The following IDNK variants were observed in gnomAD, a reference collection of about 807,000 sequenced individuals.
The protein encoded by IDNK is gluconokinase.
A neutral mutation model predicts 13.0 loss-of-function variants in IDNK; 9 were observed. The observed-to-expected ratio is 0.69, with a 90% CI of 0.42 to 1.21. The LOEUF is 1.21. IDNK is among the 50% of genes most tolerant of loss of function. The probability of loss-of-function intolerance (pLI) is 0.00; values close to 1 mark genes in which losing one functional copy is unlikely to be tolerated. For synonymous variants in IDNK, 92 were observed against 94.9 expected (o/e 0.97, Z 0.18); for missense variants, 210 against 237.8 (o/e 0.88, Z 0.77).
At chr9:83,625,627 T>G (rs1830827971) in intron 1 of IDNK, among the ~76,000 whole-genome samples, 1 of 152,194 alleles carries the variant, frequency 6.6e-6, no homozygotes, top group Admixed American at 6.5e-5. Flanking sequence ...CAACATCAAG[T>G]TCTTTAGTGA....
intron 3 of IDNK, among the ~76,000 whole-genome samples, chr9:83,633,808 C>T (rs541495668): frequency 5.3e-5 from 8 of 152,336 alleles, no homozygotes; most frequent in African/African-American, 9.6e-5. Flanking sequence ...AAAGATCATA[C>T]TTCTCCTACT....
chr9:83,634,875 T>C (rs1014288675), intron 3 of IDNK, among the ~76,000 whole-genome samples: 2 of 152,244 alleles, frequency 1.3e-5, no homozygotes, highest in Non-Finnish European at 2.9e-5. Context: ...TTTTTCTGTG[T>C]ATTTCATCTC....
intron 1 of IDNK, 93 bp downstream of exon 1, chr9:83,623,314 T>A (rs1587597488): frequency 2.2e-5 from 26 of 1,158,178 alleles, no homozygotes; most frequent in African/African-American, 3.3e-5. Flanking sequence ...TGGACTGGGG[T>A]CTTGGGGACC....
chr9:83,625,246 G>A (rs764793844), intron 1 of IDNK, among the ~76,000 whole-genome samples: 1 of 152,182 alleles, frequency 6.6e-6, no homozygotes, highest in Non-Finnish European at 1.5e-5. Flanking sequence ...TTGGAAGGAG[G>A]GAGTCGCCAC....
intron 3 of IDNK, among the ~76,000 whole-genome samples, chr9:83,631,451 G>GAAAAAAAAAAACAAAAAAAAAAAAAA (rs1831011669): frequency 1.8e-5 from 1 of 56,946 alleles, no homozygotes; most frequent in African/African-American, 7.2e-5. Context: ...TACAAAAACT[G>GAAAAAAAAAAACAAAAAAAAAAAAAA]AAAAAAAAAA....
chr9:83,631,451 G>GAAAAA (rs57832482), intron 3 of IDNK, among the ~76,000 whole-genome samples: 2 of 56,930 alleles, frequency 3.5e-5, no homozygotes, highest in African/African-American at 7.1e-5. Context: ...TACAAAAACT[G>GAAAAA]AAAAAAAAAA....
intron 3 of IDNK, among the ~76,000 whole-genome samples, chr9:83,631,251 G>A (rs1049458634): frequency 6.6e-6 from 1 of 151,958 alleles, no homozygotes; most frequent in Non-Finnish European, 1.5e-5. Context: ...GAGGACGTGG[G>A]GAGAGTTTTG....
intron 4 of IDNK, 109 bp downstream of exon 4, chr9:83,641,700 A>C: frequency 8.0e-6 from 9 of 1,120,952 alleles, no homozygotes; most frequent in Non-Finnish European, 1.1e-5. Flanking sequence ...GACTGATGGT[A>C]AAGGATTCTA....
At chr9:83,624,555 G>C (rs1830793729) in intron 1 of IDNK, among the ~76,000 whole-genome samples, 1 of 152,158 alleles carries the variant, frequency 6.6e-6, no homozygotes, top group South Asian at 2.1e-4. Flanking sequence ...AAGAGTGCCA[G>C]GCAGAGTGGT....
In IDNK at chr9:83,628,947, G is replaced by A. The variant is rs746776891; in HGVS notation, c.156G>A (p.Pro52=). Residue 52 remains proline, a synonymous_variant, in exon 3 of 5, where the codon CCG becomes CCA. Transcript: ENST00000376419. ...ENRRKMGKGI[P]LNDQDRIPWL... Reference sequence around the variant, plus strand: ...GAAGGAAGATGGGAAAAGGCATACCGCTCAATGACCAGGTAACAATTGCTG... The same window carrying A: ...GAAGGAAGATGGGAAAAGGCATACCACTCAATGACCAGGTAACAATTGCTG... The A allele has an allele frequency of 3.1e-6, 5 of 1,612,788 alleles. No homozygotes were observed. Among genetic ancestry groups the A allele is most frequent in the Admixed American group, 3.3e-5 (2 of 60,014 alleles).
chr9:83,640,851 A>C (rs1271810779), intron 3 of IDNK, among the ~76,000 whole-genome samples: 1 of 152,224 alleles, frequency 6.6e-6, no homozygotes, highest in Non-Finnish European at 1.5e-5. Flanking sequence ...ATCTCAAAAG[A>C]AAATTGCTGA....
At chr9:83,641,520 T>C (rs1157161078) in intron 3 of IDNK, 28 bp from the exon 4 acceptor site, 1 of 1,613,172 alleles carries the variant, frequency 6.2e-7, no homozygotes, top group African/African-American at 1.3e-5. Flanking sequence ...TCACGTTGTG[T>C]CTGGGTTTTT....
At position 83,635,561 on chromosome 9, in the gene IDNK, T is replaced by C. The variant is rs180974068; in HGVS notation, c.169-5987T>C. On this transcript the variant is annotated intron_variant, in intron 3 of 4. Coordinates refer to ENST00000376419, the MANE Select transcript of IDNK (RefSeq NM_001001551.4). ...CTGCCTGGGACAGACATGCTTCCTC[T>C]AGGTATGTGAAAATATTAAGATGGA... 2.0e-5 allele frequency among the ~76,000 whole-genome samples: 3 copies of C among 152,356 alleles called. No individual in the cohort carries two copies. The East Asian group carries it at 5.8e-4, about 29-fold the overall frequency.
chr9:83,625,649 C>A (rs528569120), intron 1 of IDNK, among the ~76,000 whole-genome samples: 1 of 152,218 alleles, frequency 6.6e-6, no homozygotes, highest in African/African-American at 2.4e-5. Context: ...TTTGTGAACC[C>A]CTATTGGAGC....
intron 1 of IDNK, among the ~76,000 whole-genome samples, chr9:83,626,161 G>C (rs1307826300): frequency 6.6e-6 from 1 of 152,164 alleles, no homozygotes; most frequent in African/African-American, 2.4e-5. Flanking sequence ...AACCCACTGG[G>C]AGACATATGG....
intron 3 of IDNK, among the ~76,000 whole-genome samples, chr9:83,633,320 C>G (rs1231657479): frequency 6.6e-6 from 1 of 152,164 alleles, no homozygotes; most frequent in Non-Finnish European, 1.5e-5. Context: ...GCCTGGGTGA[C>G]AGAGCAAGAC....
At chr9:83,625,917 A>AATGG (rs981108625) in intron 1 of IDNK, among the ~76,000 whole-genome samples, 5 of 152,320 alleles carry the variant, frequency 3.3e-5, no homozygotes, top group Non-Finnish European at 4.4e-5. Context: ...TGACTTAATG[A>AATGG]ATGGATGGAT....
chr9:83,624,422 T>A (rs1830789169), intron 1 of IDNK, among the ~76,000 whole-genome samples: 1 of 152,222 alleles, frequency 6.6e-6, no homozygotes, highest in South Asian at 2.1e-4. Context: ...GTCATTGTCA[T>A]ATAGCGAACA....
At position 83,643,928 on chromosome 9, in the gene IDNK, A is replaced by C. The variant is rs891467510; in HGVS notation, c.*148A>C. The C allele has an allele frequency of 3.4e-6, 2 of 590,762 alleles. No individual in the cohort carries two copies. The highest frequency in any genetic ancestry group is 3.1e-5 in the Admixed American group (1 of 32,338). 36.6% of individuals were successfully genotyped at this position (590,762 alleles called of 1,614,324 possible). A position where few individuals can be genotyped will look rare whatever the true frequency, so the allele number is the denominator to read the frequency against. ...GTCAAGACAGACTTGTTTAGGTGTA[A>C]TTTTAGGAATTATGCTGGTTCATCA... On this transcript the variant is annotated 3_prime_UTR_variant, in exon 5 of 5. Coordinates refer to ENST00000376419, the MANE Select transcript of IDNK (RefSeq NM_001001551.4).
Sources: gnomAD v4.1 joint callset for allele counts (sites outside exome capture counted in the v4.1 genomes callset) on GRCh38, gnomAD v4.1.1 for gene constraint, MANE v1.5 for transcripts, NCBI Gene and HGNC (gene_info 2026-07-23, HGNC 2026-07-21) for gene names.